The following XIRP2 variants were observed in gnomAD, a reference collection of about 807,000 sequenced individuals.
The protein encoded by XIRP2 is xin actin binding repeat containing 2.
XIRP2 carries 236 observed loss-of-function variants against 277.0 expected under a neutral mutation model. The observed-to-expected ratio is 0.85, with a 90% CI of 0.77 to 0.95. The LOEUF (loss-of-function observed/expected upper bound fraction) is 0.95. Among genes scored for constraint, XIRP2 ranks in the 40% least tolerant of loss-of-function variants. The pLI, the probability that XIRP2 is intolerant of heterozygous loss-of-function variation, is 0.00. For synonymous variants in XIRP2, 1,490 were observed against 1,416.5 expected (o/e 1.05, Z -1.17); for missense variants, 4,640 against 4,157.5 (o/e 1.12, Z -3.19).
intron 2 of XIRP2, among the ~76,000 whole-genome samples, chr2:167,078,737 T>G (rs1296681798): frequency 6.6e-6 from 1 of 150,738 alleles, no homozygotes; most frequent in African/African-American, 2.5e-5. Flanking sequence ...CTTGGGAGGC[T>G]GAGGCAGGAG....
At chr2:166,937,969 A>G (rs1003007848) in intron 2 of XIRP2, among the ~76,000 whole-genome samples, 1 of 151,904 alleles carries the variant, frequency 6.6e-6, no homozygotes, top group Admixed American at 6.6e-5. Flanking sequence ...TATTGGGTCT[A>G]TTTGAATCTT....
chr2:166,937,404 A>G (rs995238574), intron 2 of XIRP2, among the ~76,000 whole-genome samples: 7 of 152,138 alleles, frequency 4.6e-5, no homozygotes, highest in Non-Finnish European at 7.3e-5. Context: ...TTATTTGTGT[A>G]TGTTGAACCT....
At chr2:167,219,170 A>G in intron 5 of XIRP2, among the ~76,000 whole-genome samples, 1 of 152,178 alleles carries the variant, frequency 6.6e-6, no homozygotes, top group Non-Finnish European at 1.5e-5. Flanking sequence ...AAAATCTCAT[A>G]TGTGAAAGAT....
chr2:167,153,655 G>A (rs1286672675), intron 3 of XIRP2, among the ~76,000 whole-genome samples: 18 of 151,634 alleles, frequency 1.2e-4, no homozygotes, highest in Non-Finnish European at 2.1e-4. Flanking sequence ...GAGAATGTAC[G>A]GTGTTTGGTT....
chr2:167,060,128 C>T (rs1689141974), intron 2 of XIRP2, among the ~76,000 whole-genome samples: 1 of 152,084 alleles, frequency 6.6e-6, no homozygotes, highest in African/African-American at 2.4e-5. Flanking sequence ...AAAATATACA[C>T]TTGTTTTATA....
At chr2:167,167,533 A>T (rs1426971738) in intron 3 of XIRP2, among the ~76,000 whole-genome samples, 2 of 152,078 alleles carry the variant, frequency 1.3e-5, no homozygotes, top group African/African-American at 2.4e-5. Context: ...TCAAATTTGC[A>T]ATATATACTT....
chr2:167,079,745 G>T (rs573339364), intron 2 of XIRP2, among the ~76,000 whole-genome samples: 1 of 151,722 alleles, frequency 6.6e-6, no homozygotes. Context: ...TGTTAATCTA[G>T]CTAGTGGTCT....
chr2:167,092,169 G>A (rs1043651408), intron 2 of XIRP2, among the ~76,000 whole-genome samples: 6 of 152,070 alleles, frequency 3.9e-5, no homozygotes, highest in African/African-American at 1.5e-4. Context: ...AGTAAATTCC[G>A]AATTAGTTCA....
At chr2:166,918,950 G>T (rs150567302) in intron 2 of XIRP2, among the ~76,000 whole-genome samples, 3 of 152,048 alleles carry the variant, frequency 2.0e-5, no homozygotes, top group Non-Finnish European at 4.4e-5. Flanking sequence ...TCCTTTCTCT[G>T]AACTTAGAAG....
chr2:167,201,184 GAGAGAGAAAGAAAGAAAGAAAGAA>G (rs1693678209), intron 3 of XIRP2, among the ~76,000 whole-genome samples: 1 of 124,418 alleles, frequency 8.0e-6, no homozygotes, highest in African/African-American at 3.3e-5. Context: ...AAGAAAGAGA[GAGAGAGAAAGAAAGAAAGAAAGAA>G]AGAAAGAAAG....
At chr2:167,192,049 C>T (rs1015817341) in intron 3 of XIRP2, among the ~76,000 whole-genome samples, 5 of 151,314 alleles carry the variant, frequency 3.3e-5, no homozygotes, top group African/African-American at 7.3e-5. Flanking sequence ...TTAAAAAGCA[C>T]GTATTAGCAT....
chr2:166,905,467 A>C (rs1684491880), intron 2 of XIRP2, among the ~76,000 whole-genome samples: 1 of 151,970 alleles, frequency 6.6e-6, no homozygotes, highest in Non-Finnish European at 1.5e-5. Context: ...ACTAATATTC[A>C]GCATGATAGG....
At chr2:167,240,083 G>T in intron 6 of XIRP2, 118 bp downstream of exon 6, 1 of 872,786 alleles carries the variant, frequency 1.1e-6, no homozygotes, top group East Asian at 3.2e-5. Context: ...ATACCTATCA[G>T]TGTTTCTTTC....
intron 2 of XIRP2, among the ~76,000 whole-genome samples, chr2:167,133,614 C>T (rs913338881): frequency 8.5e-5 from 13 of 152,236 alleles, no homozygotes; most frequent in East Asian, 7.7e-4. Context: ...AGTCCATGGA[C>T]CATGTTCAGT....
chr2:167,029,468 T>C (rs1170080572), intron 2 of XIRP2, among the ~76,000 whole-genome samples: 1 of 152,150 alleles, frequency 6.6e-6, no homozygotes, highest in Non-Finnish European at 1.5e-5. Context: ...ATAGAGCATG[T>C]GGTTTTTGCC....
intron 2 of XIRP2, among the ~76,000 whole-genome samples, chr2:167,011,565 AT>A (rs1482061336): frequency 6.6e-6 from 1 of 152,114 alleles, no homozygotes; most frequent in African/African-American, 2.4e-5. Context: ...AGGCTTTGGT[AT>A]CAGGATGATG....
At chr2:167,209,525 GA>G (rs1273155495) in intron 3 of XIRP2, among the ~76,000 whole-genome samples, 1 of 152,004 alleles carries the variant, frequency 6.6e-6, no homozygotes, top group Non-Finnish European at 1.5e-5. Flanking sequence ...ACCCAAATAA[GA>G]AAGTACTACA....
At chr2:167,207,397 G>A (rs1192985091) in intron 3 of XIRP2, among the ~76,000 whole-genome samples, 1 of 152,008 alleles carries the variant, frequency 6.6e-6, no homozygotes, top group Non-Finnish European at 1.5e-5. Flanking sequence ...ACTGTTTTCT[G>A]TCTCTGACAT....
At chr2:166,932,877 C>G (rs1208831217) in intron 2 of XIRP2, among the ~76,000 whole-genome samples, 1 of 152,010 alleles carries the variant, frequency 6.6e-6, no homozygotes, top group Non-Finnish European at 1.5e-5. Context: ...TATTTTTGAA[C>G]CAACTATTCT....
Sources: allele counts gnomAD v4.1 joint callset (sites outside exome capture counted in the v4.1 genomes callset), GRCh38; gene constraint gnomAD v4.1.1; transcripts MANE v1.5; gene names NCBI Gene and HGNC (gene_info 2026-07-23, HGNC 2026-07-21).